TMEM117: variants seen among roughly 807,000 people sequenced by gnomAD.
TMEM117 encodes the protein transmembrane protein 117.
Under a neutral mutation model 52.4 loss-of-function variants are expected in TMEM117, and 27 were observed. The observed-to-expected ratio is 0.51, with a 90% CI of 0.38 to 0.71. TMEM117 has a LOEUF of 0.71. Ranked by LOEUF, TMEM117 falls within the 30% of genes least tolerant of loss-of-function variation. TMEM117 has a pLI of 0.00. For synonymous variants in TMEM117, 215 were observed against 206.3 expected (o/e 1.04, Z -0.36); for missense variants, 556 against 630.5 (o/e 0.88, Z 1.26).
chr12:44,106,671 TAAAC>T (rs1044014512), intron 3 of TMEM117, among the ~76,000 whole-genome samples: 8 of 151,924 alleles, frequency 5.3e-5, no homozygotes, highest in Non-Finnish European at 7.4e-5. Context: ...AATAAAAAAT[TAAAC>T]AAAATTATGT....
chr12:44,385,925 C>T (rs929537602), intron 7 of TMEM117, among the ~76,000 whole-genome samples: 10 of 152,024 alleles, frequency 6.6e-5, no homozygotes, highest in African/African-American at 2.4e-4. Flanking sequence ...TCCATGTTAT[C>T]TCATCTTTTA....
At chr12:44,274,342 A>T (rs1167186925) in intron 5 of TMEM117, among the ~76,000 whole-genome samples, 1 of 152,156 alleles carries the variant, frequency 6.6e-6, no homozygotes, top group Admixed American at 6.6e-5. Flanking sequence ...ATGTTTATGG[A>T]TTAGAAGGAT....
chr12:44,223,500 G>T (rs1219939285), intron 5 of TMEM117, among the ~76,000 whole-genome samples: 1 of 151,306 alleles, frequency 6.6e-6, no homozygotes, highest in Non-Finnish European at 1.5e-5. Context: ...CCCTCAGTTT[G>T]TATGACTATT....
intron 3 of TMEM117, among the ~76,000 whole-genome samples, chr12:43,968,212 A>G (rs1399546919): frequency 1.5e-5 from 2 of 129,376 alleles, no homozygotes; most frequent in East Asian, 4.7e-4. Context: ...AGGATTCTCT[A>G]AAATGTAGAG....
chr12:44,058,164 TCATCATA>T (rs1555197768), intron 3 of TMEM117, among the ~76,000 whole-genome samples: 1 of 151,896 alleles, frequency 6.6e-6, no homozygotes, highest in Non-Finnish European at 1.5e-5. Flanking sequence ...TCTGGGACAA[TCATCATA>T]CATGTTATTG....
chr12:44,028,206 T>C (rs761133751), intron 3 of TMEM117, among the ~76,000 whole-genome samples: 1 of 152,150 alleles, frequency 6.6e-6, no homozygotes, highest in Non-Finnish European at 1.5e-5. Flanking sequence ...AACAAAAAGC[T>C]GTTTGACTGA....
downstream of TMEM117, among the ~76,000 whole-genome samples, chr12:44,394,208 T>C (rs1952172204): frequency 6.6e-6 from 1 of 152,184 alleles, no homozygotes; most frequent in African/African-American, 2.4e-5. Flanking sequence ...TCCCTTGACG[T>C]GATGAGCCCT....
At chr12:44,269,756 G>C (rs1950424258) in intron 5 of TMEM117, among the ~76,000 whole-genome samples, 1 of 151,884 alleles carries the variant, frequency 6.6e-6, no homozygotes, top group Non-Finnish European at 1.5e-5. Context: ...AGTCCTCATT[G>C]GGTCAAAACA....
chr12:44,058,438 A>C (rs149359619), intron 3 of TMEM117, among the ~76,000 whole-genome samples: 1 of 152,182 alleles, frequency 6.6e-6, no homozygotes, highest in Non-Finnish European at 1.5e-5. Context: ...GTGAATACCA[A>C]TGTAATCATT....
At chr12:44,116,402 G>A (rs772685918) in intron 3 of TMEM117, among the ~76,000 whole-genome samples, 1 of 151,818 alleles carries the variant, frequency 6.6e-6, no homozygotes, top group Non-Finnish European at 1.5e-5. Context: ...ACTACAAACT[G>A]CAAACTGCAC....
At chr12:44,269,492 A>T (rs79051106) in intron 5 of TMEM117, among the ~76,000 whole-genome samples, 2 of 148,256 alleles carry the variant, frequency 1.3e-5, no homozygotes, top group Non-Finnish European at 3.0e-5. Flanking sequence ...AATTATTCTT[A>T]TTTTTTTTTT....
In TMEM117 at chr12:44,301,785, C is replaced by T. The variant is rs188782375; in HGVS notation, c.768+2046C>T. Among the ~76,000 whole-genome samples, 18 of 152,156 alleles carry T rather than the reference C, an allele frequency of 1.2e-4. No individual in the cohort carries two copies. The East Asian group carries it at 2.5e-3, about 21-fold the overall frequency. ...TCAAATGGAAGAAAATGGCTACTGCCGACACCTCAGAGGGCAATCACCCTC... is the reference window on the plus strand; with the variant it reads ...TCAAATGGAAGAAAATGGCTACTGCTGACACCTCAGAGGGCAATCACCCTC... On this transcript the variant is annotated intron_variant, in intron 6 of 7. Transcript: ENST00000266534.
chr12:44,359,226 G>T (rs1412744506), intron 6 of TMEM117, among the ~76,000 whole-genome samples: 1 of 151,006 alleles, frequency 6.6e-6, no homozygotes, highest in Non-Finnish European at 1.5e-5. Context: ...AAAAGTAAAA[G>T]AATTGCTGTG....
chr12:44,312,311 T>C (rs76571582), intron 6 of TMEM117, among the ~76,000 whole-genome samples: 4,282 of 152,196 alleles, frequency 0.028, 98 homozygotes, highest in African/African-American at 0.055. Flanking sequence ...CATCTTTATG[T>C]TCATATGTAC....
At chr12:43,797,179 A>T in the TMEM117 span, 1 of 1,487,178 alleles carries the variant, frequency 6.7e-7, no homozygotes, top group Admixed American at 2.2e-5. Flanking sequence ...CTTCATAAAA[A>T]CAAGTACAGA....
chr12:44,302,858 A>C (rs533498895), intron 6 of TMEM117, among the ~76,000 whole-genome samples: 1 of 152,360 alleles, frequency 6.6e-6, no homozygotes, highest in Non-Finnish European at 1.5e-5. Context: ...TAACAAGTTC[A>C]CAACCAACTA....
At position 44,356,175 on chromosome 12, in the gene TMEM117, A is replaced by G. The variant is rs557389180; in HGVS notation, c.769-20420A>G. Among the ~76,000 whole-genome samples, 118 of 152,254 alleles carry G rather than the reference A, an allele frequency of 7.8e-4. 2 individuals carry two copies. The South Asian group carries it at 0.013, about 16-fold the overall frequency. The stretch of plus-strand genomic sequence containing the variant: ...GAAATGCCTTAAAGTACTTTTCCTC[A>G]GGAAGATGTCTTGGGGAAGATAGAA... On this transcript the variant is annotated intron_variant, in intron 6 of 7. Coordinates refer to ENST00000266534, the MANE Select transcript of TMEM117 (RefSeq NM_032256.3).
At chr12:43,901,562 C>G (rs1280808359) in intron 2 of TMEM117, among the ~76,000 whole-genome samples, 1 of 152,148 alleles carries the variant, frequency 6.6e-6, no homozygotes, top group Non-Finnish European at 1.5e-5. Flanking sequence ...TCCACCATCT[C>G]AGCCTCCCAA....
At chr12:43,868,093 AAT>A (rs1012576722) in intron 2 of TMEM117, among the ~76,000 whole-genome samples, 1 of 81,086 alleles carries the variant, frequency 1.2e-5, no homozygotes, top group African/African-American at 2.9e-5. Context: ...ATAAAAATCA[AAT>A]ATACACACAC....
Sources: gnomAD v4.1 joint callset for allele counts (sites outside exome capture counted in the v4.1 genomes callset) on GRCh38, gnomAD v4.1.1 for gene constraint, MANE v1.5 for transcripts, NCBI Gene and HGNC (gene_info 2026-07-23, HGNC 2026-07-21) for gene names.